The following PHF3 variants were observed in gnomAD, a reference collection of about 807,000 sequenced individuals.
PHF3 encodes PHD finger protein 3.
A neutral mutation model predicts 178.4 loss-of-function variants in PHF3; 41 were observed. That is an observed-to-expected ratio of 0.23 (90% CI 0.18 to 0.30). The LOEUF is 0.30. Among genes scored for constraint, PHF3 ranks in the 10% least tolerant of loss-of-function variants. The pLI is 1.00. For missense variants in PHF3, 2,346 were observed against 2,398.1 expected, an observed-to-expected ratio of 0.98 and a Z score of 0.45; for synonymous variants, 842 against 800.5, an observed-to-expected ratio of 1.05 and a Z score of -0.88.
rs1561987045 is a variant in PHF3 at position 63,712,967 on chromosome 6, A to G, written c.5379A>G (p.Thr1793=). Residue 1793 remains threonine, a synonymous_variant, in exon 16 of 16, where the codon ACA becomes ACG. Coordinates refer to ENST00000262043, the MANE Select transcript of PHF3 (RefSeq NM_001370348.2). The part of the protein sequence containing the change: ...TSRSTSPRTS[T]NFSPMRPQQP... ...GAAGCACCAGCCCCAGAACAAGTAC[A>G]AACTTTTCACCCATGAGGCCACAGC... 1.9e-6 allele frequency: 3 copies of G among 1,614,036 alleles called. No individual in the cohort carries two copies. The African/African-American group carries it at 4.0e-5, about 22-fold the overall frequency.
rs374236335 is a variant in PHF3, at chr6:63,706,051, T to A, written c.3390T>A (p.Asp1130Glu). ...ICIGRMAPPV[D>E]DLSPKKVKVV... ...TAGGTCGAATGGCACCACCTGTAGA[T>A]GATCTTTCTCCAAAAAAAGTAAAAG... The change falls in exon 12 of 16, where the codon GAT becomes GAA. Residue 1130 changes from aspartate (D) to glutamate (E), a missense_variant. Around this residue, in one of 8 missense-constraint regions of PHF3, gnomAD observed 205 missense variants for 212.4 expected, o/e 0.97. Transcript: ENST00000262043. The A allele has an allele frequency of 3.1e-6, 5 of 1,613,204 alleles. No individual in the cohort carries two copies. Among genetic ancestry groups the A allele is most frequent in the Non-Finnish European group, 4.2e-6 (5 of 1,179,802 alleles).
In PHF3 at chr6:63,711,866, A is replaced by C. The variant is rs769597644; in HGVS notation, c.4278A>C (p.Glu1426Asp). Residue 1426 changes from glutamate (E) to aspartate (D), a missense_variant, in exon 16 of 16, where the codon GAA becomes GAC. Glu to Asp is a conservative substitution (Grantham distance 45). Coordinates refer to ENST00000262043, the MANE Select transcript of PHF3 (RefSeq NM_001370348.2). Reference sequence around the variant, plus strand: ...AGGAAGACCTTCCAACAGCAGTTGAACCTTTAATGGAAGTCACCAAACAGG... The same window carrying C: ...AGGAAGACCTTCCAACAGCAGTTGACCCTTTAATGGAAGTCACCAAACAGG... ...NLQEDLPTAV[E>D]PLMEVTKQEP... is the part of the protein sequence containing the mutation. 18 of 1,613,986 alleles carry C rather than the reference A, an allele frequency of 1.1e-5. No individual in the cohort carries two copies. The highest frequency in any genetic ancestry group is 6.7e-5 in the Admixed American group (4 of 59,988).
At position 63,685,184 on chromosome 6, in the gene PHF3, T is replaced by C. The variant is rs1027603684; in HGVS notation, c.1462T>C (p.Ser488Pro). Reference protein sequence around the residue: ...VSYLESKSVKSKHTKPVIHSK... With the variant: ...VSYLESKSVKPKHTKPVIHSK... ...TTACTTAGAGTCAAAAAGTGTAAAA[T>C]CCAAACATACAAAACCTGTAATTCA... Residue 488 changes from serine (S) to proline (P), a missense_variant, in exon 4 of 16, where the codon TCC becomes CCC. Physicochemically the swap from Ser to Pro is moderately conservative, Grantham distance 74 (BLOSUM62 -1). This residue lies in a region of PHF3 where 843 missense variants were observed against 795.2 expected (regional missense o/e 1.06). Transcript: ENST00000262043. 1 of 1,613,692 alleles carries C rather than the reference T, an allele frequency of 6.2e-7. No homozygotes were observed. Among genetic ancestry groups the C allele is most frequent in the Admixed American group, 1.7e-5 (1 of 59,988 alleles).
In PHF3 at chr6:63,686,242, T is replaced by C. The variant is rs111345698; in HGVS notation, c.2189+331T>C. The C allele has an allele frequency of 3.7e-3, 951 of 254,198 alleles. 13 individuals are homozygous for C. Among genetic ancestry groups the C allele is most frequent in the African/African-American group, 0.02 (890 of 45,084 alleles). 15.7% of individuals were successfully genotyped at this position (254,198 alleles called of 1,614,324 possible). On this transcript the variant is annotated intron_variant, in intron 4 of 15. Coordinates refer to ENST00000262043, the MANE Select transcript of PHF3 (RefSeq NM_001370348.2). ...CTTCCTGGTAATTGGAAAATTGTTA[T>C]ACTGCTTTGGGTCTGTAAGTTATAT... is the stretch of plus-strand genomic sequence containing the variant.
intron 1 of PHF3, among the ~76,000 whole-genome samples, chr6:63,645,166 C>T (rs533398016): frequency 5.6e-4 from 85 of 152,198 alleles, no homozygotes; most frequent in African/African-American, 2.0e-3. Flanking sequence ...GCATGAGCCA[C>T]TGGGCCTGGC....
Position 63,713,124 on chromosome 6 carries a change from G to C in PHF3, c.5536G>C (p.Gly1846Arg). ...TCCATTACTTCCCCCTCCAGGCTTT[G>C]GCTTTGCTCAAAATCCCATGGTTCC... ...PPPLLPPPGF[G>R]FAQNPMVPWP... The change falls in exon 16 of 16, where the codon GGC becomes CGC. Residue 1846 changes from glycine to arginine, a missense_variant. Around this residue, in one of 8 missense-constraint regions of PHF3, gnomAD observed 839 missense variants for 806.9 expected, o/e 1.04. Coordinates refer to ENST00000262043, the MANE Select transcript of PHF3 (RefSeq NM_001370348.2). 1.9e-6 allele frequency: 3 copies of C among 1,613,932 alleles called. No individual in the cohort carries two copies. Among genetic ancestry groups the C allele is most frequent in the Non-Finnish European group, 2.5e-6 (3 of 1,179,948 alleles).
chr6:63,703,584 C>G lies in PHF3; in HGVS notation c.3280C>G (p.Gln1094Glu), dbSNP rs1207361159. Residue 1094 changes from glutamine to glutamate, a missense_variant, in exon 11 of 16, where the codon CAA (glutamine) becomes GAA (glutamate). Physicochemically the swap from Gln to Glu is conservative, Grantham distance 29 (BLOSUM62 2). This residue lies in a region of PHF3 where 205 missense variants were observed against 212.4 expected (regional missense o/e 0.97). Transcript: ENST00000262043. ...SLEKPEGSEK[Q>E]KEEVDSMSKD... ...GGAGAAGCCAGAAGGATCTGAAAAACAAAAAGAGGAGGTTGACTCTATGTC... is the reference window on the plus strand; with the variant it reads ...GGAGAAGCCAGAAGGATCTGAAAAAGAAAAAGAGGAGGTTGACTCTATGTC... 6.2e-7 allele frequency: 1 copy of G among 1,612,378 alleles called. No homozygotes were observed. Among genetic ancestry groups the G allele is most frequent in the Non-Finnish European group, 8.5e-7 (1 of 1,179,448 alleles).
In PHF3 at chr6:63,711,258, A is replaced by G. The variant is rs1392429403; in HGVS notation, c.3893A>G (p.Tyr1298Cys). 6 of 1,613,468 alleles carry G rather than the reference A, an allele frequency of 3.7e-6. No homozygotes were observed. The highest frequency in any genetic ancestry group is 1.1e-5 in the South Asian group (1 of 91,064). ...LFAYFSSRKR[Y>C]GVAANNMKQV... ...GCATACTTCAGTAGCAGAAAGCGCT[A>G]TGGAGTAGCTGCTAACAACATGAAG... The change falls in exon 15 of 16, where the codon TAT becomes TGT. Residue 1298 changes from tyrosine (Y) to cysteine (C), a missense_variant. Tyr to Cys is a radical substitution (Grantham distance 194). Around this residue, in one of 8 missense-constraint regions of PHF3, gnomAD observed 90 missense variants for 136.6 expected, o/e 0.66. Coordinates refer to ENST00000262043, the MANE Select transcript of PHF3 (RefSeq NM_001370348.2).
chr6:63,721,269 C>T lies in PHF3; in HGVS notation c.*7561C>T. 6.4e-7 allele frequency: 1 copy of T among 1,551,878 alleles called. No homozygotes were observed. The highest frequency in any genetic ancestry group is 8.7e-7 in the Non-Finnish European group (1 of 1,146,990). On this transcript the variant is annotated 3_prime_UTR_variant, in exon 16 of 16. Transcript: ENST00000262043. The stretch of plus-strand genomic sequence containing the variant: ...AGGTATACATAAAGATTGGTGGAGG[C>T]AAAGATTATTCAAACAGGACACAGA...
At chr6:63,695,074 G>A (rs561510331) in intron 6 of PHF3, among the ~76,000 whole-genome samples, 1 of 152,278 alleles carries the variant, frequency 6.6e-6, no homozygotes, top group South Asian at 2.1e-4. Flanking sequence ...AAGAAAAAGT[G>A]GAGTAATGGG....
chr6:63,689,186 T>A (rs994718008), intron 4 of PHF3, among the ~76,000 whole-genome samples: 3 of 152,220 alleles, frequency 2.0e-5, no homozygotes, highest in African/African-American at 7.2e-5. Flanking sequence ...CTCTGATTTT[T>A]AAAATTAATG....
intron 2 of PHF3, among the ~76,000 whole-genome samples, chr6:63,677,886 T>G (rs1026967314): frequency 2.6e-5 from 4 of 152,144 alleles, no homozygotes; most frequent in Admixed American, 1.3e-4. Context: ...GTCTTAAAAT[T>G]TATGTATTTA....
At position 63,713,137 on chromosome 6, in the gene PHF3, A is replaced by G; in HGVS notation, c.5549A>G (p.Asn1850Ser). The G allele has an allele frequency of 6.2e-7, 1 of 1,613,970 alleles. No homozygotes were observed. The highest frequency in any genetic ancestry group is 1.7e-5 in the Admixed American group (1 of 59,978). Residue 1850 changes from asparagine (N) to serine (S), a missense_variant, in exon 16 of 16, where the codon AAT (asparagine) becomes AGT (serine). Physicochemically the swap from Asn to Ser is conservative, Grantham distance 46. This residue lies in a region of PHF3 where 839 missense variants were observed against 806.9 expected (regional missense o/e 1.04). Transcript: ENST00000262043. Reference sequence around the variant, plus strand: ...CCTCCAGGCTTTGGCTTTGCTCAAAATCCCATGGTTCCCTGGCCACCTGTT... The same window carrying G: ...CCTCCAGGCTTTGGCTTTGCTCAAAGTCCCATGGTTCCCTGGCCACCTGTT... ...LPPPGFGFAQNPMVPWPPVVH... is the reference protein window; with the variant it reads ...LPPPGFGFAQSPMVPWPPVVH...
At chr6:63,649,764 TAATTG>T (rs577850343) in intron 2 of PHF3, among the ~76,000 whole-genome samples, 8 of 152,252 alleles carry the variant, frequency 5.3e-5, no homozygotes, top group Non-Finnish European at 1.2e-4. Context: ...TTACTTCATC[TAATTG>T]TAGTGTTTGC....
In PHF3 at chr6:63,712,470, A is replaced by G; in HGVS notation, c.4882A>G (p.Asn1628Asp). Residue 1628 changes from asparagine to aspartate, a missense_variant, in exon 16 of 16, where the codon AAT (asparagine) becomes GAT (aspartate). Transcript: ENST00000262043. ...TGTAGGAAAAGGAAACATAGATGGT[A>G]ATGTGAGCTGTAGTGAAAACCTTGT... is the stretch of plus-strand genomic sequence containing the variant. Reference protein sequence around the residue: ...SNVGKGNIDGNVSCSENLVAN... With the variant: ...SNVGKGNIDGDVSCSENLVAN... 1 of 1,614,008 alleles carries G rather than the reference A, an allele frequency of 6.2e-7. No homozygotes were observed. Among genetic ancestry groups the G allele is most frequent in the South Asian group, 1.1e-5 (1 of 91,086 alleles).
intron 4 of PHF3, among the ~76,000 whole-genome samples, chr6:63,687,959 G>A (rs1174766784): frequency 6.6e-6 from 1 of 151,904 alleles, no homozygotes; most frequent in Non-Finnish European, 1.5e-5. Context: ...CAGAATTTTC[G>A]ATTACTTCAA....
intron 2 of PHF3, among the ~76,000 whole-genome samples, chr6:63,667,512 T>C (rs1218214982): frequency 2.0e-5 from 3 of 152,208 alleles, no homozygotes; most frequent in Non-Finnish European, 2.9e-5. Flanking sequence ...CTTTATCATG[T>C]ATCTTCCCAA....
chr6:63,679,794 T>G, intron 2 of PHF3: 1 of 607,600 alleles, frequency 1.6e-6, no homozygotes, highest in South Asian at 1.5e-5. Flanking sequence ...TTTGACTAAT[T>G]ACTTTACAAG....
rs760718754 is a variant in PHF3, at chr6:63,685,023, A to G, written c.1301A>G (p.Asn434Ser). 4 of 1,614,130 alleles carry G rather than the reference A, an allele frequency of 2.5e-6. No homozygotes were observed. The highest frequency in any genetic ancestry group is 2.2e-5 in the South Asian group (2 of 91,082). ...ACTAGTACTTTTGGACCGGAAAGTA[A>G]TATCTTGGAAAATGCTATTTGTGAT... ...VDTSTFGPES[N>S]ILENAICDVP... The change falls in exon 4 of 16, where the codon AAT (asparagine) becomes AGT (serine). Residue 434 changes from asparagine to serine, a missense_variant. Around this residue, in one of 8 missense-constraint regions of PHF3, gnomAD observed 843 missense variants for 795.2 expected, o/e 1.06. Transcript: ENST00000262043.
Sources: allele counts gnomAD v4.1 joint callset (sites outside exome capture counted in the v4.1 genomes callset), GRCh38; gene constraint gnomAD v4.1.1; regional missense constraint gnomAD v4.1.1; transcripts MANE v1.5; gene names NCBI Gene and HGNC (gene_info 2026-07-23, HGNC 2026-07-21).